GABRQ: variants seen among roughly 807,000 people sequenced by gnomAD.
The protein encoded by GABRQ is gamma-aminobutyric acid type A receptor subunit theta.
GABRQ carries 19 observed loss-of-function variants against 30.5 expected under a neutral mutation model. The observed-to-expected ratio is 0.62, with a 90% CI of 0.43 to 0.91. The LOEUF is 0.91. Ranked by LOEUF, GABRQ falls within the 40% of genes least tolerant of loss-of-function variation. The pLI is 0.00. For synonymous variants in GABRQ, 187 were observed against 210.2 expected (o/e 0.89, Z 0.95); for missense variants, 520 against 521.4 (o/e 1.00, Z 0.03).
At chrX:152,644,516 A>G (rs1340504501) in intron 2 of GABRQ, among the ~76,000 whole-genome samples, 1 of 112,511 alleles carries the variant, frequency 8.9e-6, no homozygotes, top group Non-Finnish European at 1.9e-5. Context: ...AGTCTTCCAT[A>G]TACATGTGTA....
At position 152,649,319 on chromosome X, in the gene GABRQ, TG is replaced by T; in HGVS notation, c.598del (p.Val200TrpfsTer2). The T allele has an allele frequency of 8.7e-7, 1 of 1,148,974 alleles. No homozygotes were observed. 94.7% of individuals were successfully genotyped at this position (1,148,974 alleles called of 1,213,427 possible). ...CCTATGGACAAGCAGGCCTGCAACC[TG>T]GTGGTAGAGAGCTGTACGTATGTCT... is the stretch of plus-strand genomic sequence containing the variant. ...KFPMDKQACNLVVESYGYTVE... is the reference protein window; with the variant it reads ...KFPMDKQACNXVVESYGYTVE... On this transcript the variant is annotated frameshift_variant, in exon 5 of 9. Coordinates refer to ENST00000598523, the MANE Select transcript of GABRQ (RefSeq NM_018558.4). LOFTEE classifies it high-confidence loss of function.
At chrX:152,644,319 C>CAT (rs782403859) in intron 2 of GABRQ, among the ~76,000 whole-genome samples, 201 of 112,561 alleles carry the variant, frequency 1.8e-3, no homozygotes, top group African/African-American at 6.1e-3. Context: ...GGCGTGCTCA[C>CAT]ATACATGAAA....
chrX:152,652,388 C>T (rs782380513), intron 8 of GABRQ, among the ~76,000 whole-genome samples, 153 bp from the exon 9 acceptor site: 68 of 112,631 alleles, frequency 6.0e-4, no homozygotes, highest in Non-Finnish European at 1.1e-3. Context: ...CCCTTGAACA[C>T]CAGAGACCCC....
chrX:152,638,914 G>A (rs202177195), intron 1 of GABRQ, among the ~76,000 whole-genome samples: 4 of 111,837 alleles, frequency 3.6e-5, no homozygotes, highest in Non-Finnish European at 7.5e-5. Context: ...CAGTGCGATC[G>A]TGTCTGAATA....
intron 1 of GABRQ, among the ~76,000 whole-genome samples, chrX:152,639,278 AGG>A (rs36127418): frequency 0.018 from 1,318 of 72,819 alleles, 15 homozygotes; most frequent in African/African-American, 0.058. Context: ...GTACTCATAA[AGG>A]GGGGGGGGGT....
chrX:152,650,383 G>C, intron 6 of GABRQ, 45 bp from the exon 7 acceptor site: 6 of 1,139,583 alleles, frequency 5.3e-6, no homozygotes, highest in Non-Finnish European at 7.1e-6. Flanking sequence ...CCCTGCAAAT[G>C]CGCCTCAGCC....
chrX:152,643,509 G>A, intron 2 of GABRQ, among the ~76,000 whole-genome samples: 1 of 112,399 alleles, frequency 8.9e-6, no homozygotes, highest in Non-Finnish European at 1.9e-5. Context: ...GGGCTTTGCT[G>A]TGGGACTGGC....
In GABRQ at chrX:152,655,943, A is replaced by T. The variant is rs951409078; in HGVS notation, c.*2662A>T. 1 of 112,304 alleles carries T rather than the reference A, an allele frequency of 8.9e-6. No homozygotes were observed. The highest frequency in any genetic ancestry group is 3.2e-5 in the African/African-American group (1 of 30,869). 9.3% of individuals were successfully genotyped at this position (112,304 alleles called of 1,213,427 possible). A position where few individuals can be genotyped will look rare whatever the true frequency, so the allele number is the denominator to read the frequency against. ...CAGTTGTAAATATCTCTATAGATCCATATAGCTAGATATAATACTATACCT... is the reference window on the plus strand; with the variant it reads ...CAGTTGTAAATATCTCTATAGATCCTTATAGCTAGATATAATACTATACCT... On this transcript the variant is annotated 3_prime_UTR_variant, in exon 9 of 9. Transcript: ENST00000598523.
At chrX:152,642,110 A>G (rs1930773022) in intron 2 of GABRQ, among the ~76,000 whole-genome samples, 1 of 111,519 alleles carries the variant, frequency 9.0e-6, no homozygotes, top group Admixed American at 9.5e-5. Context: ...CAAACCGATG[A>G]AGGTAGGAGG....
chrX:152,653,036 T>A lies in GABRQ; in HGVS notation c.1654T>A (p.Cys552Ser), dbSNP rs782461529. Residue 552 changes from cysteine (C) to serine (S), a missense_variant, in exon 9 of 9, where the codon TGT becomes AGT. Cys to Ser is a moderately radical substitution (Grantham distance 112). Transcript: ENST00000598523. Reference protein sequence around the residue: ...DCLAIKEQFKCDTNSTWGLND... With the variant: ...DCLAIKEQFKSDTNSTWGLND... ...CCTTGCCATTAAGGAGCAATTCAAG[T>A]GTGATACTAACAGTACCTGGGGCCT... 1.8e-5 allele frequency: 22 copies of A among 1,209,261 alleles called. No individual in the cohort carries two copies.
chrX:152,658,014 A>G (rs185393397), downstream of GABRQ, among the ~76,000 whole-genome samples: 64 of 112,341 alleles, frequency 5.7e-4, no homozygotes, highest in African/African-American at 2.0e-3. Flanking sequence ...AGTGTTCTCA[A>G]AGAGAAACAA....
intron 6 of GABRQ, 68 bp from the exon 7 acceptor site, chrX:152,650,360 C>A (rs1556819955): frequency 2.1e-6 from 2 of 967,534 alleles, no homozygotes; most frequent in African/African-American, 1.9e-5. Flanking sequence ...CTTCTCCATC[C>A]TGTACCTCTC....
chrX:152,645,603 G>T lies in GABRQ; in HGVS notation c.306+9G>T, dbSNP rs782350782. 1 of 1,022,019 alleles carries T rather than the reference G, an allele frequency of 9.8e-7. No homozygotes were observed. Among genetic ancestry groups the T allele is most frequent in the East Asian group, 3.0e-5 (1 of 32,944 alleles). 84.2% of individuals were successfully genotyped at this position (1,022,019 alleles called of 1,213,427 possible). Reference sequence around the variant, plus strand: ...TCTCAGAAATGAATATGGTAAGTGTGTTATTTCCAGCCATGGGGTTGGGAA... The same window carrying T: ...TCTCAGAAATGAATATGGTAAGTGTTTTATTTCCAGCCATGGGGTTGGGAA... On this transcript the variant is annotated intron_variant, in intron 3 of 8. Transcript: ENST00000598523.
rs782165462 is a variant in GABRQ, at chrX:152,642,357, C to T, written c.238+1891C>T. 7.1e-5 allele frequency among the ~76,000 whole-genome samples: 8 copies of T among 112,219 alleles called. No homozygotes were observed. In the East Asian group the frequency reaches 2.3e-3, roughly 32 times the overall value. On this transcript the variant is annotated intron_variant, in intron 2 of 8. Coordinates refer to ENST00000598523, the MANE Select transcript of GABRQ (RefSeq NM_018558.4). ...TACTTCCCCTCACTTCCCCACACAT[C>T]CTCCACATGCAGAGGCCTCACTTAA... is the stretch of plus-strand genomic sequence containing the variant.
rs1051824066 is a variant in GABRQ at position 152,637,977 on chromosome X, T to C, written c.-226T>C. ...TGGGGGGAGCTGCGTCCAGCAGAGC[T>C]GCTGGGTGGTTGCTCCTCCCGGGCT... On this transcript the variant is annotated 5_prime_UTR_variant, in exon 1 of 9. Transcript: ENST00000598523. Among the ~76,000 whole-genome samples the C allele has an allele frequency of 8.8e-6, 1 of 113,191 alleles. No individual in the cohort carries two copies. The highest frequency in any genetic ancestry group is 1.9e-5 in the Non-Finnish European group (1 of 53,261).
In GABRQ at chrX:152,649,794, C is replaced by T; in HGVS notation, c.663C>T (p.Ala221=). 1 of 1,173,237 alleles carries T rather than the reference C, an allele frequency of 8.5e-7. No individual in the cohort carries two copies. The highest frequency in any genetic ancestry group is 1.8e-5 in the South Asian group (1 of 56,057). Residue 221 remains alanine, a synonymous_variant, in exon 6 of 9, where the codon GCC becomes GCT. Transcript: ENST00000598523. ...TATTCTGGGATGACAATGGGAACGC[C>T]ATCCACATGACTGAGGAGCTGCATA... The part of the protein sequence containing the change: ...IILFWDDNGN[A]IHMTEELHIP...
intron 4 of GABRQ, among the ~76,000 whole-genome samples, chrX:152,648,532 T>A (rs1930943810): frequency 9.2e-6 from 1 of 109,204 alleles, no homozygotes; most frequent in Non-Finnish European, 1.9e-5. Flanking sequence ...ACCCAGCTAA[T>A]TTTTTGTATT....
Position 152,639,378 on chromosome X carries a change from GCA to G in GABRQ, c.150-975_150-974del, listed in dbSNP as rs199710373. On this transcript the variant is annotated intron_variant, in intron 1 of 8. Transcript: ENST00000598523. The stretch of plus-strand genomic sequence containing the variant: ...ACTGAACATGCACACATGCGCGTGC[GCA>G]CACACACACACACACACACACACAA... Among the ~76,000 whole-genome samples the G allele has an allele frequency of 4.8e-3, 496 of 103,147 alleles. 5 individuals carry two copies. The highest frequency in any genetic ancestry group is 0.03 in the Middle Eastern group (6 of 198). The allele number at this position is 103,147 out of a possible 115,157, so 89.6% of individuals were successfully genotyped here.
At chrX:152,650,400 C>G in intron 6 of GABRQ, 28 bp from the exon 7 acceptor site, 1 of 1,193,931 alleles carries the variant, frequency 8.4e-7, no homozygotes, top group Non-Finnish European at 1.1e-6. Context: ...AGCCCTGCCA[C>G]CCTAATTCCA....
Sources: gnomAD v4.1 joint callset for allele counts (sites outside exome capture counted in the v4.1 genomes callset) on GRCh38, gnomAD v4.1.1 for gene constraint, MANE v1.5 for transcripts, NCBI Gene and HGNC (gene_info 2026-07-23, HGNC 2026-07-21) for gene names.